Variants in ZNF384 observed in about 807,000 individuals in gnomAD.
The protein encoded by ZNF384 is zinc finger protein 384.
A neutral mutation model predicts 65.0 loss-of-function variants in ZNF384; 20 were observed. That is an observed-to-expected ratio of 0.31 (90% CI 0.22 to 0.45). The LOEUF (loss-of-function observed/expected upper bound fraction) is 0.45, where lower values mean the gene tolerates loss of function less well. ZNF384 is among the 20% of genes least tolerant of loss of function. ZNF384 has a pLI of 1.00. For missense variants in ZNF384, 549 were observed against 769.4 expected (o/e 0.71, Z 3.39); for synonymous variants, 310 against 303.9 (o/e 1.02, Z -0.21).
rs1954498979 is a variant in ZNF384 at position 6,678,245 on chromosome 12, G to A, written c.568C>T (p.Pro190Ser). ...GGGGGSVAPKPPRGRKKKRML... is the reference protein window; with the variant it reads ...GGGGGSVAPKSPRGRKKKRML... ...CGCTTCTTCTTCCGGCCCCGGGGTGGCTTAGGAGCCACACTGCCACCTCCA... is the reference window on the plus strand; with the variant it reads ...CGCTTCTTCTTCCGGCCCCGGGGTGACTTAGGAGCCACACTGCCACCTCCA... The change falls in exon 6 of 12, where the codon CCA (proline) becomes TCA (serine). Residue 190 changes from proline (P) to serine (S), a missense_variant. Around this residue, in one of 5 missense-constraint regions of ZNF384, gnomAD observed 277 missense variants for 337.2 expected, o/e 0.82. Coordinates refer to ENST00000683879, the MANE Select transcript of ZNF384 (RefSeq NM_001385745.1). The surrounding 1 kb of genome is among the most constrained non-coding windows in gnomAD (Gnocchi z 4.9). 1.2e-6 allele frequency: 2 copies of A among 1,614,120 alleles called. No individual in the cohort carries two copies. The highest frequency in any genetic ancestry group is 4.5e-5 in the East Asian group (2 of 44,882).
Position 6,678,258 on chromosome 12 carries a change from A to G in ZNF384, c.555T>C (p.Ser185=). 1 of 1,614,180 alleles carries G rather than the reference A, an allele frequency of 6.2e-7. No individual in the cohort carries two copies. Among genetic ancestry groups the G allele is most frequent in the East Asian group, 2.2e-5 (1 of 44,884 alleles). The stretch of plus-strand genomic sequence containing the variant: ...GGCCCCGGGGTGGCTTAGGAGCCAC[A>G]CTGCCACCTCCACCACCACCTCCGC... ...EGGGGGGGGG[S]VAPKPPRGRK... Residue 185 remains serine (S), a synonymous_variant, in exon 6 of 12, where the codon AGT becomes AGC. Coordinates refer to ENST00000683879, the MANE Select transcript of ZNF384 (RefSeq NM_001385745.1). The surrounding 1 kb of genome is among the most constrained non-coding windows in gnomAD (Gnocchi z 4.9).
Position 6,678,236 on chromosome 12 carries a change from C to A in ZNF384, c.577G>T (p.Gly193Cys), listed in dbSNP as rs1954495447. The change falls in exon 6 of 12, where the codon GGC becomes TGC. Residue 193 changes from glycine (G) to cysteine (C), a missense_variant. Gly to Cys is a radical substitution (Grantham distance 159). Coordinates refer to ENST00000683879, the MANE Select transcript of ZNF384 (RefSeq NM_001385745.1). The surrounding 1 kb of genome is among the most constrained non-coding windows in gnomAD (Gnocchi z 4.9). ...TCCAGCATCCGCTTCTTCTTCCGGC[C>A]CCGGGGTGGCTTAGGAGCCACACTG... is the stretch of plus-strand genomic sequence containing the variant. ...GGSVAPKPPR[G>C]RKKKRMLESG... is the part of the protein sequence containing the mutation. 1.9e-6 allele frequency: 3 copies of A among 1,614,160 alleles called. No individual in the cohort carries two copies. Among genetic ancestry groups the A allele is most frequent in the Non-Finnish European group, 2.5e-6 (3 of 1,180,030 alleles).
At chr12:6,674,769 A>G in intron 7 of ZNF384, among the ~76,000 whole-genome samples, 1 of 152,218 alleles carries the variant, frequency 6.6e-6, no homozygotes, top group East Asian at 1.9e-4. Context: ...TGGAAAGATA[A>G]ATTTTTGCCC....
intron 2 of ZNF384, among the ~76,000 whole-genome samples, chr12:6,681,737 C>A (rs1389842826): frequency 6.6e-6 from 1 of 152,174 alleles, no homozygotes; most frequent in Non-Finnish European, 1.5e-5. Context: ...TAGAAAACAT[C>A]ACTTTTTTTG....
intron 2 of ZNF384, among the ~76,000 whole-genome samples, chr12:6,680,123 G>A (rs1225214287): frequency 6.6e-6 from 1 of 152,200 alleles, no homozygotes; most frequent in Non-Finnish European, 1.5e-5. Flanking sequence ...CACTATGCCA[G>A]ACTAATTTCT....
intron 10 of ZNF384, among the ~76,000 whole-genome samples, chr12:6,669,748 C>T (rs991462968): frequency 3.9e-5 from 6 of 152,082 alleles, no homozygotes; most frequent in Non-Finnish European, 8.8e-5. Context: ...GTGATCCGCC[C>T]GCCTCCGCCG....
rs992025068 is a variant in ZNF384 at position 6,672,902 on chromosome 12, G to A, written c.1004+314C>T. 6.6e-6 allele frequency among the ~76,000 whole-genome samples: 1 copy of A among 152,172 alleles called. No homozygotes were observed. Among genetic ancestry groups the A allele is most frequent in the East Asian group, 1.9e-4 (1 of 5,198 alleles). ...AATACCGCCTGTTCCCCATGGACCT[G>A]AAGTTGAATGCACACCTTGGCTCTG... On this transcript the variant is annotated intron_variant, in intron 8 of 11. Coordinates refer to ENST00000683879, the MANE Select transcript of ZNF384 (RefSeq NM_001385745.1). This position sits in a 1 kb window ranked among gnomAD's most constrained non-coding sequence, Gnocchi z 4.4.
intron 2 of ZNF384, among the ~76,000 whole-genome samples, chr12:6,684,522 A>G (rs1338712116): frequency 6.6e-6 from 1 of 152,214 alleles, no homozygotes; most frequent in African/African-American, 2.4e-5. Flanking sequence ...CGGACTTTAC[A>G]AAGGAAAATA....
At chr12:6,685,688 C>T (rs1420223559) in intron 2 of ZNF384, among the ~76,000 whole-genome samples, 1 of 150,302 alleles carries the variant, frequency 6.7e-6, no homozygotes, top group Admixed American at 6.7e-5. Flanking sequence ...CAGGGAATTG[C>T]CTGAACCTGG....
chr12:6,688,150 C>G lies in ZNF384; in HGVS notation c.-6+17G>C, dbSNP rs1167909486. 6.6e-6 allele frequency: 1 copy of G among 152,632 alleles called. No homozygotes were observed. Among genetic ancestry groups the G allele is most frequent in the Non-Finnish European group, 1.5e-5 (1 of 68,052 alleles). The allele number at this position is 152,632 out of a possible 1,614,324, so 9.5% of individuals were successfully genotyped here. On this transcript the variant is annotated intron_variant, in intron 2 of 11. Coordinates refer to ENST00000683879, the MANE Select transcript of ZNF384 (RefSeq NM_001385745.1). ...CCCCCAAAACCAGAAAAGCCATTAACCCAAAAATCATCTTACCCTCTCTCT... is the reference window on the plus strand; with the variant it reads ...CCCCCAAAACCAGAAAAGCCATTAAGCCAAAAATCATCTTACCCTCTCTCT...
intron 9 of ZNF384, chr12:6,671,520 C>T (rs745740775): frequency 6.6e-6 from 1 of 152,242 alleles, no homozygotes; most frequent in Admixed American, 6.5e-5. Context: ...AGGTGCTTTT[C>T]GGGACCTCTG....
At chr12:6,686,029 A>G (rs1401850217) in intron 2 of ZNF384, among the ~76,000 whole-genome samples, 4 of 152,208 alleles carry the variant, frequency 2.6e-5, no homozygotes, top group African/African-American at 4.8e-5. Context: ...CCATCCAGGG[A>G]TAAAGATGAC....
chr12:6,685,776 CAAAAAAAAAA>C (rs778337408), intron 2 of ZNF384, among the ~76,000 whole-genome samples: 10 of 43,226 alleles, frequency 2.3e-4, no homozygotes, highest in African/African-American at 5.7e-4. Context: ...GACTCAGTCT[CAAAAAAAAAA>C]AAAAAAAAAA....
At chr12:6,686,721 C>CA (rs1234220998) in intron 2 of ZNF384, among the ~76,000 whole-genome samples, 1 of 151,904 alleles carries the variant, frequency 6.6e-6, no homozygotes, top group African/African-American at 2.4e-5. Context: ...AAAGGCAGCA[C>CA]AAAAAAGAGA....
chr12:6,684,505 A>G (rs1264949333), intron 2 of ZNF384, among the ~76,000 whole-genome samples: 1 of 152,214 alleles, frequency 6.6e-6, no homozygotes, highest in African/African-American at 2.4e-5. Context: ...AGCCTGAATA[A>G]AGAGGCCGGA....
At chr12:6,686,201 G>T (rs1957854674) in intron 2 of ZNF384, among the ~76,000 whole-genome samples, 2 of 152,176 alleles carry the variant, frequency 1.3e-5, no homozygotes, top group Non-Finnish European at 2.9e-5. Context: ...AGAAAACCAT[G>T]AAATACACTC....
rs1455181141 is a variant in ZNF384, at chr12:6,672,258, C to T, written c.1187+92G>A. The T allele has an allele frequency of 3.6e-6, 5 of 1,393,168 alleles. No homozygotes were observed. Among genetic ancestry groups the T allele is most frequent in the Middle Eastern group, 2.6e-4 (1 of 3,864 alleles). The allele number at this position is 1,393,168 out of a possible 1,614,324, so 86.3% of individuals were successfully genotyped here. On this transcript the variant is annotated intron_variant, in intron 9 of 11. Transcript: ENST00000683879. This position sits in a 1 kb window ranked among gnomAD's most constrained non-coding sequence, Gnocchi z 4.4. ...CTCCTCCAGCCAGGTCTCTCCCCCG[C>T]CCCCCGCATGCGGGTTGTTGTGTGT...
At position 6,681,685 on chromosome 12, in the gene ZNF384, G is replaced by A. The variant is rs1200213550; in HGVS notation, c.-5-2160C>T. 2.6e-5 allele frequency among the ~76,000 whole-genome samples: 4 copies of A among 152,156 alleles called. No homozygotes were observed. In the East Asian group the frequency reaches 7.7e-4, roughly 29 times the overall value. Reference sequence around the variant, plus strand: ...AAGGATCTTCAACAAAGGCGCCGAAGCTGAAAATTACTCTAACATAACTCT... The same window carrying A: ...AAGGATCTTCAACAAAGGCGCCGAAACTGAAAATTACTCTAACATAACTCT... On this transcript the variant is annotated intron_variant, in intron 2 of 11. Transcript: ENST00000683879.
At chr12:6,681,733 ACAT>A (rs1352111280) in intron 2 of ZNF384, among the ~76,000 whole-genome samples, 5 of 152,164 alleles carry the variant, frequency 3.3e-5, no homozygotes. Context: ...TTTATAGAAA[ACAT>A]CACTTTTTTT....
Sources: allele counts gnomAD v4.1 joint callset (sites outside exome capture counted in the v4.1 genomes callset), GRCh38; gene constraint gnomAD v4.1.1; regional missense constraint gnomAD v4.1.1; non-coding constraint Gnocchi (gnomAD v3.1); transcripts MANE v1.5; gene names NCBI Gene and HGNC (gene_info 2026-07-23, HGNC 2026-07-21).